Variants in TSPAN11 observed in about 807,000 individuals in gnomAD.
The protein encoded by TSPAN11 is tetraspanin 11.
In TSPAN11, 29 loss-of-function variants were observed where a neutral mutation model predicts 32.9. The ratio of observed to expected loss-of-function variants is 0.88; its 90% CI spans 0.66 to 1.20. The LOEUF (loss-of-function observed/expected upper bound fraction) is 1.20, where lower values mean the gene tolerates loss of function less well. TSPAN11 is among the 50% of genes most tolerant of loss of function. The pLI, the probability that TSPAN11 is intolerant of heterozygous loss-of-function variation, is 0.00. For missense variants in TSPAN11, 283 were observed against 329.1 expected (o/e 0.86, Z 1.08); for synonymous variants, 140 against 141.3 (o/e 0.99, Z 0.07).
chr12:31,013,133 A>G, the TSPAN11 span, among the ~76,000 whole-genome samples: 1 of 152,248 alleles, frequency 6.6e-6, no homozygotes, highest in Non-Finnish European at 1.5e-5. Context: ...AAGATGAATA[A>G]GACACTACAC....
chr12:31,012,911 G>T, the TSPAN11 span, among the ~76,000 whole-genome samples: 1 of 152,192 alleles, frequency 6.6e-6, no homozygotes, highest in Non-Finnish European at 1.5e-5. Flanking sequence ...TATTTTCTGT[G>T]CACATCTTAA....
At chr12:30,943,679 A>G (rs1938211602) in intron 1 of TSPAN11, among the ~76,000 whole-genome samples, 1 of 152,168 alleles carries the variant, frequency 6.6e-6, no homozygotes, top group Admixed American at 6.5e-5. Flanking sequence ...TCTCACACAA[A>G]GGAGCTGAGC....
intron 2 of TSPAN11, among the ~76,000 whole-genome samples, chr12:30,955,939 A>G (rs1009939844): frequency 2.6e-5 from 4 of 152,234 alleles, no homozygotes; most frequent in African/African-American, 7.2e-5. Flanking sequence ...AAGGATTTCG[A>G]CATATCTTTT....
intron 2 of TSPAN11, among the ~76,000 whole-genome samples, chr12:30,958,363 C>A (rs1283022095): frequency 6.6e-6 from 1 of 152,166 alleles, no homozygotes; most frequent in African/African-American, 2.4e-5. Context: ...GCAGCAGGAG[C>A]ATGGGCAGAG....
Position 30,939,859 on chromosome 12 carries a change from A to G in TSPAN11, c.-12+13063A>G, listed in dbSNP as rs147049348. ...TTACAACCTCAGGTGTTTCCCATCA[A>G]TGGAACTGTCCTGTTCACATTGGTG... On this transcript the variant is annotated intron_variant, in intron 1 of 7. Coordinates refer to ENST00000546076, the MANE Select transcript of TSPAN11 (RefSeq NM_001370302.1). 4.2e-3 allele frequency among the ~76,000 whole-genome samples: 636 copies of G among 152,326 alleles called. 12 individuals carry two copies. The highest frequency in any genetic ancestry group is 0.015 in the African/African-American group (610 of 41,566).
intron 7 of TSPAN11, among the ~76,000 whole-genome samples, chr12:30,987,269 T>G (rs1939218505): frequency 6.6e-6 from 1 of 152,062 alleles, no homozygotes; most frequent in Non-Finnish European, 1.5e-5. Flanking sequence ...GGACCAGACC[T>G]CCGCAGAGCC....
At position 30,996,276 on chromosome 12, in the gene TSPAN11, T is replaced by G. The variant is rs1440406995; in HGVS notation, c.*4361T>G. 1 of 152,284 alleles carries G rather than the reference T, an allele frequency of 6.6e-6. No homozygotes were observed. The highest frequency in any genetic ancestry group is 1.5e-5 in the Non-Finnish European group (1 of 68,092). The allele number at this position is 152,284 out of a possible 1,614,324, so 9.4% of individuals were successfully genotyped here. ...ATGCCTTGGGAGAACCTGCTACATG[T>G]TGGCTGCCCCCTTCCCCTATTTCAG... On this transcript the variant is annotated 3_prime_UTR_variant, in exon 8 of 8. Coordinates refer to ENST00000546076, the MANE Select transcript of TSPAN11 (RefSeq NM_001370302.1).
chr12:30,937,821 T>C (rs2352530), intron 1 of TSPAN11, among the ~76,000 whole-genome samples: 5,909 of 152,290 alleles, frequency 0.039, 344 homozygotes, highest in East Asian at 0.27. Flanking sequence ...CTCCAGGTGA[T>C]TCTAATGTAC....
chr12:30,966,929 T>C (rs1431313047), intron 3 of TSPAN11, among the ~76,000 whole-genome samples: 1 of 152,208 alleles, frequency 6.6e-6, no homozygotes, highest in East Asian at 1.9e-4. Context: ...AGAAGGGACC[T>C]TGAGGGTCAC....
At chr12:30,926,991 G>A (rs1471707027) in intron 1 of TSPAN11, 195 bp downstream of exon 1, 5 of 1,282,932 alleles carry the variant, frequency 3.9e-6, no homozygotes, top group Middle Eastern at 2.1e-4. Flanking sequence ...GGACACTCGC[G>A]GGGCATGTGA....
rs544243735 is a variant in TSPAN11, at chr12:30,975,459, C to G, written c.277-3102C>G. ...CTCCCCTTCCAGGCATCTTAACACA[C>G]TGGAGCTCGAGAAGGCTATCCCCAC... On this transcript the variant is annotated intron_variant, in intron 3 of 7. Coordinates refer to ENST00000546076, the MANE Select transcript of TSPAN11 (RefSeq NM_001370302.1). The surrounding 1 kb of genome is among the most constrained non-coding windows in gnomAD (Gnocchi z 4.5). 2.1e-4 allele frequency among the ~76,000 whole-genome samples: 32 copies of G among 152,260 alleles called. No individual in the cohort carries two copies. The South Asian group carries it at 5.6e-3, about 27-fold the overall frequency.
rs1249193915 is a variant in TSPAN11 at position 30,982,517 on chromosome 12, T to TGCCTCTGCCTCC, written c.457-14_457-3dup. The TGCCTCTGCCTCC allele has an allele frequency of 3.8e-6, 6 of 1,597,854 alleles. No individual in the cohort carries two copies. Among genetic ancestry groups the TGCCTCTGCCTCC allele is most frequent in the Non-Finnish European group, 4.3e-6 (5 of 1,167,506 alleles). On this transcript the variant is annotated splice_polypyrimidine_tract_variant and intron_variant, in intron 5 of 7. Coordinates refer to ENST00000546076, the MANE Select transcript of TSPAN11 (RefSeq NM_001370302.1). ...GCCTCTCACCTCCAGCCTCTGCCTC[T>TGCCTCTGCCTCC]GCCTCTGCCTCCAGTTCAAGTGCTG...
At chr12:30,953,910 T>C in intron 1 of TSPAN11, 71 bp from the exon 2 acceptor site, 4 of 1,161,584 alleles carry the variant, frequency 3.4e-6, no homozygotes, top group Non-Finnish European at 5.0e-6. Context: ...CTTGCCAAGA[T>C]GCTCTGGCTC....
At chr12:30,951,908 C>T (rs1938389773) in intron 1 of TSPAN11, among the ~76,000 whole-genome samples, 1 of 152,282 alleles carries the variant, frequency 6.6e-6, no homozygotes. Context: ...AAATATGCAT[C>T]TTAAATATGT....
At chr12:31,007,771 T>C in the TSPAN11 span, among the ~76,000 whole-genome samples, 1 of 152,248 alleles carries the variant, frequency 6.6e-6, no homozygotes, top group African/African-American at 2.4e-5. Flanking sequence ...CTGACATGCC[T>C]GCTAGTAATG....
intron 7 of TSPAN11, among the ~76,000 whole-genome samples, chr12:30,987,163 G>A (rs1939215966): frequency 6.6e-6 from 1 of 152,176 alleles, no homozygotes; most frequent in Non-Finnish European, 1.5e-5. Context: ...ACATGATAGG[G>A]TGCTGCCCAC....
At chr12:31,003,953 A>G in the TSPAN11 span, among the ~76,000 whole-genome samples, 1 of 152,176 alleles carries the variant, frequency 6.6e-6, no homozygotes, top group Non-Finnish European at 1.5e-5. Context: ...CCCAATTTAT[A>G]TGTTACTTAA....
chr12:30,946,184 CT>C (rs1176679524), intron 1 of TSPAN11, among the ~76,000 whole-genome samples: 1 of 152,214 alleles, frequency 6.6e-6, no homozygotes, highest in African/African-American at 2.4e-5. Context: ...TGGTTTAACA[CT>C]GAACAGCACT....
chr12:31,011,015 T>G, the TSPAN11 span, among the ~76,000 whole-genome samples: 1 of 152,098 alleles, frequency 6.6e-6, no homozygotes, highest in African/African-American at 2.4e-5. Context: ...AGAAACAGAT[T>G]GACAACAGCA....
Sources: gnomAD v4.1 joint callset for allele counts (sites outside exome capture counted in the v4.1 genomes callset) on GRCh38, gnomAD v4.1.1 for gene constraint, Gnocchi (gnomAD v3.1) non-coding constraint, MANE v1.5 for transcripts, NCBI Gene and HGNC (gene_info 2026-07-23, HGNC 2026-07-21) for gene names.